Variants in TAS2R3 observed in about 807,000 individuals in gnomAD.
TAS2R3 encodes the protein taste 2 receptor member 3.
Under a neutral mutation model 15.3 loss-of-function variants are expected in TAS2R3, and 10 were observed. The observed-to-expected ratio is 0.65, with a 90% CI of 0.40 to 1.11. The LOEUF (loss-of-function observed/expected upper bound fraction) is 1.11. TAS2R3 is among the 50% of genes least tolerant of loss of function. The pLI is 0.00. For missense variants in TAS2R3, 383 were observed against 370.3 expected (o/e 1.03, Z -0.28); for synonymous variants, 162 against 141.3 (o/e 1.15, Z -1.04).
the TAS2R3 span, chr7:141,764,734 CTTAA>C: frequency 6.2e-7 from 1 of 1,614,004 alleles, no homozygotes; most frequent in Admixed American, 1.7e-5. Flanking sequence ...ACCTGCCTCC[CTTAA>C]TTGTGTCCCT....
In TAS2R3 at chr7:141,764,352, A is replaced by G. The variant is rs1165436335; in HGVS notation, c.194A>G (p.Asp65Gly). 2 of 1,614,162 alleles carry G rather than the reference A, an allele frequency of 1.2e-6. No individual in the cohort carries two copies. Among genetic ancestry groups the G allele is most frequent in the Admixed American group, 3.3e-5 (2 of 60,028 alleles). Residue 65 changes from aspartate to glycine, a missense_variant, in exon 1 of 1, where the codon GAT (aspartate) becomes GGT (glycine). Coordinates refer to ENST00000247879, the MANE Select transcript of TAS2R3 (RefSeq NM_016943.2). ...ATTCTGCTGTGTATTATCTTGACTGATAGTTTTTTAATAGAATTCTCTCCC... is the reference window on the plus strand; with the variant it reads ...ATTCTGCTGTGTATTATCTTGACTGGTAGTTTTTTAATAGAATTCTCTCCC... ...RIILLCIILTDSFLIEFSPNT... is the reference protein window; with the variant it reads ...RIILLCIILTGSFLIEFSPNT...
rs774383773 is a variant in TAS2R3, at chr7:141,764,430, T to G, written c.272T>G (p.Phe91Cys). ...IMQIIDVSWT[F>C]TNHLSIWLAT... ...CAAATTATTGATGTTTCCTGGACAT[T>G]TACAAACCATCTGAGCATTTGGCTT... Residue 91 changes from phenylalanine to cysteine, a missense_variant, in exon 1 of 1, where the codon TTT becomes TGT. Transcript: ENST00000247879. The G allele has an allele frequency of 6.2e-7, 1 of 1,614,146 alleles. No individual in the cohort carries two copies. Among genetic ancestry groups the G allele is most frequent in the South Asian group, 1.1e-5 (1 of 91,074 alleles).
In TAS2R3 at chr7:141,764,166, G is replaced by A. The variant is rs780020826; in HGVS notation, c.8G>A (p.Gly3Glu). The A allele has an allele frequency of 6.8e-6, 11 of 1,610,436 alleles. No homozygotes were observed. The East Asian group carries it at 2.5e-4, about 36-fold the overall frequency. MMGLTEGVFLILS... is the reference protein window; with the variant it reads MMELTEGVFLILS... ...GGCTGCCTAATTGCTGACATGATGG[G>A]ACTCACCGAGGGGGTGTTCCTGATT... The change falls in exon 1 of 1, where the codon GGA becomes GAA. Residue 3 changes from glycine (G) to glutamate (E), a missense_variant. Transcript: ENST00000247879.
At chr7:141,764,678 AAG>A in the TAS2R3 span, 2 of 1,614,136 alleles carry the variant, frequency 1.2e-6, no homozygotes, top group Non-Finnish European at 1.7e-6. Flanking sequence ...CTTCAGAAAG[AAG>A]AGGAGTGAGT....
Position 141,764,619 on chromosome 7 carries a change from T to G in TAS2R3, c.461T>G (p.Leu154Arg). The G allele has an allele frequency of 1.2e-6, 2 of 1,614,158 alleles. No homozygotes were observed. The highest frequency in any genetic ancestry group is 1.7e-6 in the Non-Finnish European group (2 of 1,180,028). ...STASLINEFK[L>R]YSVFRGIEAT... ...GCATCTCTGATCAATGAGTTTAAGC[T>G]CTATTCTGTCTTTAGGGGAATTGAG... Residue 154 changes from leucine to arginine, a missense_variant, in exon 1 of 1, where the codon CTC becomes CGC. By Grantham distance (102) the Leu-to-Arg change is moderately radical (BLOSUM62 -2). Transcript: ENST00000247879.
chr7:141,764,100 G>A lies in TAS2R3; in HGVS notation c.-59G>A, dbSNP rs1008906026. On this transcript the variant is annotated 5_prime_UTR_variant, in exon 1 of 1. The change creates a new upstream start codon in the 5' untranslated region. Coordinates refer to ENST00000247879, the MANE Select transcript of TAS2R3 (RefSeq NM_016943.2). ...GATTAACGAGAAAAATATCACATCA[G>A]TGAGGAGATTCTATGTATCAACAGA... 9 of 1,553,510 alleles carry A rather than the reference G, an allele frequency of 5.8e-6. 1 individual carries two copies. Among genetic ancestry groups the A allele is most frequent in the Non-Finnish European group, 7.8e-6 (9 of 1,155,236 alleles).
At position 141,764,313 on chromosome 7, in the gene TAS2R3, C is replaced by A. The variant is rs767722259; in HGVS notation, c.155C>A (p.Ala52Glu). ...TCTGACTTCATCATCACCACCCTGG[C>A]ACTCTTGAGGATCATTCTGCTGTGT... ...SLSDFIITTL[A>E]LLRIILLCII... Residue 52 changes from alanine (A) to glutamate (E), a missense_variant, in exon 1 of 1, where the codon GCA becomes GAA. Physicochemically the swap from Ala to Glu is moderately radical, Grantham distance 107. Coordinates refer to ENST00000247879, the MANE Select transcript of TAS2R3 (RefSeq NM_016943.2). 32 of 1,614,106 alleles carry A rather than the reference C, an allele frequency of 2.0e-5. No homozygotes were observed. Among genetic ancestry groups the A allele is most frequent in the Non-Finnish European group, 2.6e-5 (31 of 1,180,054 alleles).
chr7:141,764,175 AG>A, the TAS2R3 span: 1 of 1,612,880 alleles, frequency 6.2e-7, no homozygotes, highest in Non-Finnish European at 8.5e-7. Flanking sequence ...GGACTCACCG[AG>A]GGGGTGTTCC....
chr7:141,764,228 A>C lies in TAS2R3; in HGVS notation c.70A>C (p.Asn24His). Residue 24 changes from asparagine to histidine, a missense_variant, in exon 1 of 1, where the codon AAT becomes CAT. Coordinates refer to ENST00000247879, the MANE Select transcript of TAS2R3 (RefSeq NM_016943.2). ...TCAGTTCACACTGGGAATTCTGGTCAATTGTTTCATTGAGTTGGTCAATGG... is the reference window on the plus strand; with the variant it reads ...TCAGTTCACACTGGGAATTCTGGTCCATTGTTTCATTGAGTTGGTCAATGG... ...GTQFTLGILVNCFIELVNGSS... is the reference protein window; with the variant it reads ...GTQFTLGILVHCFIELVNGSS... 6.2e-7 allele frequency: 1 copy of C among 1,614,158 alleles called. No homozygotes were observed. The highest frequency in any genetic ancestry group is 8.5e-7 in the Non-Finnish European group (1 of 1,180,014).
the TAS2R3 span, chr7:141,764,795 C>T: frequency 6.2e-7 from 1 of 1,614,032 alleles, no homozygotes; most frequent in Non-Finnish European, 8.5e-7. Flanking sequence ...GCACACACGG[C>T]AGATGCTGCA....
Position 141,764,768 on chromosome 7 carries a change from A to G in TAS2R3, c.610A>G (p.Ile204Val), listed in dbSNP as rs369397121. ...GTCCCTGGCCTCCTACTCTTTGCTC[A>G]TCTTCTCCCTGGGGAGGCACACACG... The part of the protein sequence containing the change: ...IVSLASYSLL[I>V]FSLGRHTRQM... Residue 204 changes from isoleucine (I) to valine (V), a missense_variant, in exon 1 of 1, where the codon ATC becomes GTC. By Grantham distance (29) the Ile-to-Val change is conservative. Coordinates refer to ENST00000247879, the MANE Select transcript of TAS2R3 (RefSeq NM_016943.2). 1.2e-5 allele frequency: 19 copies of G among 1,613,674 alleles called. No individual in the cohort carries two copies. The highest frequency in any genetic ancestry group is 1.1e-5 in the South Asian group (1 of 91,054).
chr7:141,764,554 G>A, the TAS2R3 span: 17 of 1,614,030 alleles, frequency 1.1e-5, no homozygotes, highest in African/African-American at 2.7e-5. Context: ...TGATGGTATG[G>A]ATGCTGTTGG....
Position 141,764,572 on chromosome 7 carries a change from G to C in TAS2R3, c.414G>C (p.Leu138=). Reference sequence around the variant, plus strand: ...TGGTATGGATGCTGTTGGGTGCACTGCTCTTATCCTGTGGTAGTACCGCAT... The same window carrying C: ...TGGTATGGATGCTGTTGGGTGCACTCCTCTTATCCTGTGGTAGTACCGCAT... The part of the protein sequence containing the change: ...RVMVWMLLGA[L]LLSCGSTASL... The change falls in exon 1 of 1, where the codon CTG becomes CTC. Residue 138 remains leucine (L), a synonymous_variant. Transcript: ENST00000247879. 1 of 1,614,086 alleles carries C rather than the reference G, an allele frequency of 6.2e-7. No homozygotes were observed. Among genetic ancestry groups the C allele is most frequent in the Non-Finnish European group, 8.5e-7 (1 of 1,180,008 alleles).
chr7:141,764,705 G>T lies in TAS2R3; in HGVS notation c.547G>T (p.Val183Phe), dbSNP rs1206003018. The T allele has an allele frequency of 1.9e-6, 3 of 1,614,128 alleles. No individual in the cohort carries two copies. The highest frequency in any genetic ancestry group is 8.5e-7 in the Non-Finnish European group (1 of 1,180,014). The part of the protein sequence containing the change: ...KKRSEYYLIH[V>F]LGTLWYLPPL... ...GAGGAGTGAGTATTATCTGATCCAT[G>T]TTCTTGGGACTCTGTGGTACCTGCC... The change falls in exon 1 of 1, where the codon GTT becomes TTT. Residue 183 changes from valine (V) to phenylalanine (F), a missense_variant. Physicochemically the swap from Val to Phe is conservative, Grantham distance 50. Coordinates refer to ENST00000247879, the MANE Select transcript of TAS2R3 (RefSeq NM_016943.2).
rs140781608 is a variant in TAS2R3, at chr7:141,764,194, G to T, written c.36G>T (p.Leu12=). ...TCACCGAGGGGGTGTTCCTGATTCT[G>T]TCTGGCACTCAGTTCACACTGGGAA... ...MGLTEGVFLI[L]SGTQFTLGIL... is the part of the protein sequence containing the mutation. The change falls in exon 1 of 1, where the codon CTG becomes CTT. Residue 12 remains leucine (L), a synonymous_variant. Coordinates refer to ENST00000247879, the MANE Select transcript of TAS2R3 (RefSeq NM_016943.2). 2.5e-6 allele frequency: 4 copies of T among 1,613,842 alleles called. No individual in the cohort carries two copies. The East Asian group carries it at 8.9e-5, about 36-fold the overall frequency.
Position 141,764,817 on chromosome 7 carries a change from G to A in TAS2R3, c.659G>A (p.Ser220Asn), listed in dbSNP as rs757570914. Residue 220 changes from serine (S) to asparagine (N), a missense_variant, in exon 1 of 1, where the codon AGC becomes AAC. By Grantham distance (46) the Ser-to-Asn change is conservative. Coordinates refer to ENST00000247879, the MANE Select transcript of TAS2R3 (RefSeq NM_016943.2). ...HTRQMLQNGT[S>N]SRDPTTEAHK... The stretch of plus-strand genomic sequence containing the variant: ...CGGCAGATGCTGCAAAATGGGACAA[G>A]CTCCAGAGATCCAACCACTGAGGCC... 5.6e-6 allele frequency: 9 copies of A among 1,614,034 alleles called. No homozygotes were observed. The East Asian group carries it at 6.7e-5, about 12-fold the overall frequency.
In TAS2R3 at chr7:141,765,095, C is replaced by T; in HGVS notation, c.937C>T (p.Pro313Ser). ...SGHLKPGSKG[P>S]IFS ...TCATCTGAAGCCTGGATCCAAGGGA[C>T]CCATTTTCTCTTAGAGTAACAGAGG... is the stretch of plus-strand genomic sequence containing the variant. The change falls in exon 1 of 1, where the codon CCC becomes TCC. Residue 313 changes from proline (P) to serine (S), a missense_variant. Coordinates refer to ENST00000247879, the MANE Select transcript of TAS2R3 (RefSeq NM_016943.2). 5 of 1,610,836 alleles carry T rather than the reference C, an allele frequency of 3.1e-6. No individual in the cohort carries two copies. The highest frequency in any genetic ancestry group is 4.2e-6 in the Non-Finnish European group (5 of 1,178,366).
In TAS2R3 at chr7:141,764,911, A is replaced by C. The variant is rs1302142377; in HGVS notation, c.753A>C (p.Leu251Phe). ...TCTTACTTTACTTTCTTGCTTTCTT[A>C]ATTGCATCATTTGGTAATTTCCTAC... ...FLFLLYFLAF[L>F]IASFGNFLPK... is the part of the protein sequence containing the mutation. Residue 251 changes from leucine to phenylalanine, a missense_variant, in exon 1 of 1, where the codon TTA becomes TTC. Transcript: ENST00000247879. The C allele has an allele frequency of 1.2e-6, 2 of 1,614,200 alleles. No homozygotes were observed. The highest frequency in any genetic ancestry group is 1.7e-6 in the Non-Finnish European group (2 of 1,180,030).
In TAS2R3 at chr7:141,764,103, A is replaced by G. The variant is rs1800093877; in HGVS notation, c.-56A>G. The G allele has an allele frequency of 1.3e-6, 2 of 1,555,674 alleles. No homozygotes were observed. Among genetic ancestry groups the G allele is most frequent in the East Asian group, 4.5e-5 (2 of 44,492 alleles). ...TAACGAGAAAAATATCACATCAGTG[A>G]GGAGATTCTATGTATCAACAGAAAG... On this transcript the variant is annotated 5_prime_UTR_variant, in exon 1 of 1. Transcript: ENST00000247879.
Sources: gnomAD v4.1 joint callset for allele counts on GRCh38, gnomAD v4.1.1 for gene constraint, MANE v1.5 for transcripts, NCBI Gene and HGNC (gene_info 2026-07-23, HGNC 2026-07-21) for gene names.